The following RRAGD variants were observed in gnomAD, a reference collection of about 807,000 sequenced individuals.
RRAGD encodes ras-related GTP-binding protein D.
Under a neutral mutation model 35.5 loss-of-function variants are expected in RRAGD, and 12 were observed. That is an observed-to-expected ratio of 0.34 (90% confidence interval 0.22 to 0.55). The LOEUF is 0.55. Ranked by LOEUF, RRAGD falls within the 20% of genes least tolerant of loss-of-function variation. The pLI, the probability that RRAGD is intolerant of heterozygous loss-of-function variation, is 0.91. For synonymous variants in RRAGD, 155 were observed against 178.9 expected, an observed-to-expected ratio of 0.87 and a Z score of 1.07; for missense variants, 324 against 490.1, an observed-to-expected ratio of 0.66 and a Z score of 3.20.
chr6:89,385,125 T>C (rs11963273), intron 2 of RRAGD, among the ~76,000 whole-genome samples: 43,509 of 152,046 alleles, frequency 0.29, 7,085 homozygotes, highest in African/African-American at 0.44. Context: ...CCAACCTAAA[T>C]TGAAGGTCTG....
rs116726756 is a variant in RRAGD, at chr6:89,411,151, T to C, written c.148+695A>G. On this transcript the variant is annotated intron_variant, in intron 1 of 6. Coordinates refer to ENST00000369415, the MANE Select transcript of RRAGD (RefSeq NM_021244.5). This position sits in a 1 kb window ranked among gnomAD's most constrained non-coding sequence, Gnocchi z 5.6. Reference sequence around the variant, plus strand: ...TTTGCTTCACTATTGAAGCAAAGAATTCCCCGCCGCGCGCTCACTCCCGGG... The same window carrying C: ...TTTGCTTCACTATTGAAGCAAAGAACTCCCCGCCGCGCGCTCACTCCCGGG... Among the ~76,000 whole-genome samples the C allele has an allele frequency of 1.6e-3, 247 of 152,324 alleles. No individual in the cohort carries two copies. Among genetic ancestry groups the C allele is most frequent in the African/African-American group, 5.7e-3 (239 of 41,584 alleles).
At chr6:89,376,125 A>C (rs1051892413) in intron 5 of RRAGD, among the ~76,000 whole-genome samples, 1 of 152,238 alleles carries the variant, frequency 6.6e-6, no homozygotes, top group African/African-American at 2.4e-5. Flanking sequence ...TCAGGGCAGT[A>C]ATCTTGGGCA....
chr6:89,402,443 T>G (rs773705699), intron 1 of RRAGD, among the ~76,000 whole-genome samples: 10 of 152,032 alleles, frequency 6.6e-5, no homozygotes, highest in Non-Finnish European at 1.5e-4. Flanking sequence ...AGTATGGAAT[T>G]AGGAGGTTGT....
intron 1 of RRAGD, among the ~76,000 whole-genome samples, chr6:89,400,273 A>G (rs1769432650): frequency 6.6e-6 from 1 of 152,194 alleles, no homozygotes; most frequent in African/African-American, 2.4e-5. Context: ...ACAAAAAACT[A>G]GAAAATATCG....
rs116690500 is a variant in RRAGD, at chr6:89,375,234, T to C, written c.902+2437A>G. On this transcript the variant is annotated intron_variant, in intron 5 of 6. Coordinates refer to ENST00000369415, the MANE Select transcript of RRAGD (RefSeq NM_021244.5). Reference sequence around the variant, plus strand: ...GTGAGATTATGGGCTACTTTAATTTTATTCTTTAGACTTTTATGTATTTTC... The same window carrying C: ...GTGAGATTATGGGCTACTTTAATTTCATTCTTTAGACTTTTATGTATTTTC... Among the ~76,000 whole-genome samples the C allele has an allele frequency of 9.7e-3, 1,474 of 152,358 alleles. 23 individuals are homozygous for C. The highest frequency in any genetic ancestry group is 0.032 in the African/African-American group (1,334 of 41,580).
intron 2 of RRAGD, among the ~76,000 whole-genome samples, chr6:89,384,073 A>G (rs1456119985): frequency 6.6e-6 from 1 of 151,570 alleles, no homozygotes; most frequent in East Asian, 1.9e-4. Context: ...ACTGCACTCC[A>G]GCCTGGTGAC....
rs529870836 is a variant in RRAGD at position 89,396,562 on chromosome 6, G to C, written c.149-8972C>G. Reference sequence around the variant, plus strand: ...TGGACTCAGCCTCCAGAGGAGCTGGGACTACAGGCGCGCCCCATCATGCTG... The same window carrying C: ...TGGACTCAGCCTCCAGAGGAGCTGGCACTACAGGCGCGCCCCATCATGCTG... On this transcript the variant is annotated intron_variant, in intron 1 of 6. Transcript: ENST00000369415. Among the ~76,000 whole-genome samples the C allele has an allele frequency of 2.2e-4, 33 of 151,592 alleles. No individual in the cohort carries two copies. In the South Asian group the frequency reaches 6.3e-3, roughly 29 times the overall value.
chr6:89,368,152 C>A lies in RRAGD; in HGVS notation c.1107G>T (p.Glu369Asp). Residue 369 changes from glutamate (E) to aspartate (D), a missense_variant, in exon 7 of 7, where the codon GAG becomes GAT. This residue lies in a region of RRAGD where 68 missense variants were observed against 76.8 expected (regional missense o/e 0.89). Transcript: ENST00000369415. Reference sequence around the variant, plus strand: ...GAGATTTTACTACTTTCATTCTCACCTCAAAAACTTCATGAATGGCCTTCC... The same window carrying A: ...GAGATTTTACTACTTTCATTCTCACATCAAAAACTTCATGAATGGCCTTCC... The part of the protein sequence containing the change: ...CFRKAIHEVF[E>D]VRMKVVKSRK... The A allele has an allele frequency of 6.2e-7, 1 of 1,613,938 alleles. No homozygotes were observed. Among genetic ancestry groups the A allele is most frequent in the East Asian group, 2.2e-5 (1 of 44,878 alleles).
intron 1 of RRAGD, among the ~76,000 whole-genome samples, chr6:89,410,273 C>G (rs540801037): frequency 5.3e-5 from 8 of 152,204 alleles, no homozygotes; most frequent in Non-Finnish European, 8.8e-5. Flanking sequence ...TCCGCCCCCC[C>G]ACTTTTTTTC....
chr6:89,379,361 A>T (rs1248620708), intron 3 of RRAGD, 23 bp from the exon 4 acceptor site: 1 of 1,297,278 alleles, frequency 7.7e-7, no homozygotes. Flanking sequence ...ACGGTATTTC[A>T]TCATGTTTTC....
intron 1 of RRAGD, among the ~76,000 whole-genome samples, chr6:89,388,363 T>C (rs572473666): frequency 6.6e-6 from 1 of 152,218 alleles, no homozygotes; most frequent in East Asian, 1.9e-4. Flanking sequence ...CTATGTTTAA[T>C]GGGTATGTAG....
intron 1 of RRAGD, among the ~76,000 whole-genome samples, chr6:89,402,237 G>C (rs13216729): frequency 6.6e-6 from 1 of 151,404 alleles, no homozygotes; most frequent in Non-Finnish European, 1.5e-5. Context: ...TAGTAGAGAC[G>C]AGGCTTCACC....
At chr6:89,384,923 A>G (rs1769115073) in intron 2 of RRAGD, among the ~76,000 whole-genome samples, 1 of 152,056 alleles carries the variant, frequency 6.6e-6, no homozygotes, top group African/African-American at 2.4e-5. Flanking sequence ...GGATAGTAGC[A>G]TGCATCTGTA....
In RRAGD at chr6:89,411,911, A is replaced by G. The variant is rs780615792; in HGVS notation, c.83T>C (p.Leu28Pro). The change falls in exon 1 of 7, where the codon CTA (leucine) becomes CCA (proline). Residue 28 changes from leucine (L) to proline (P), a missense_variant. Physicochemically the swap from Leu to Pro is moderately conservative, Grantham distance 98. Around this residue, in one of 5 missense-constraint regions of RRAGD, gnomAD observed 96 missense variants for 78.7 expected, o/e 1.22. Transcript: ENST00000369415. This position sits in a 1 kb window ranked among gnomAD's most constrained non-coding sequence, Gnocchi z 5.6. ...EEEEEDELVG[L>P]ADYGDGPDSS... is the part of the protein sequence containing the mutation. ...GTCGGGCCCGTCTCCGTAGTCCGCTAGCCCCACCAGCTCATCCTCCTCCTC... is the reference window on the plus strand; with the variant it reads ...GTCGGGCCCGTCTCCGTAGTCCGCTGGCCCCACCAGCTCATCCTCCTCCTC... The G allele has an allele frequency of 1.8e-5, 28 of 1,545,222 alleles. 1 individual carries two copies. Among genetic ancestry groups the G allele is most frequent in the South Asian group, 2.4e-5 (2 of 84,376 alleles).
chr6:89,397,791 T>A (rs935040138), intron 1 of RRAGD, among the ~76,000 whole-genome samples: 4 of 152,164 alleles, frequency 2.6e-5, no homozygotes, highest in Non-Finnish European at 4.4e-5. Flanking sequence ...AAAATTTTTT[T>A]AAAAAATGTA....
intron 6 of RRAGD, among the ~76,000 whole-genome samples, chr6:89,370,517 G>A (rs543451344): frequency 4.0e-4 from 61 of 152,272 alleles, no homozygotes; most frequent in African/African-American, 1.4e-3. Flanking sequence ...GAACATTTTG[G>A]TAATATGCAT....
chr6:89,389,050 C>T lies in RRAGD; in HGVS notation c.149-1460G>A, dbSNP rs1469392993. 2.6e-5 allele frequency among the ~76,000 whole-genome samples: 4 copies of T among 152,298 alleles called. No homozygotes were observed. The East Asian group carries it at 5.8e-4, about 22-fold the overall frequency. ...ACAGACGAAACTTCGCTTGCTCCCC[C>T]ACTGCTCACCTTCTGCCATGCAGCG... On this transcript the variant is annotated intron_variant, in intron 1 of 6. Transcript: ENST00000369415.
intron 1 of RRAGD, among the ~76,000 whole-genome samples, chr6:89,396,101 C>A (rs1055234383): frequency 6.6e-6 from 1 of 151,910 alleles, no homozygotes; most frequent in Admixed American, 6.6e-5. Flanking sequence ...AGATATGACA[C>A]CCTCCCCCAA....
intron 1 of RRAGD, among the ~76,000 whole-genome samples, chr6:89,403,627 CTTTTTT>C (rs10715442): frequency 2.6e-5 from 3 of 116,474 alleles, no homozygotes; most frequent in African/African-American, 6.9e-5. Context: ...TTTTCTTTTT[CTTTTTT>C]TTTTTTTTTT....
Sources: allele counts gnomAD v4.1 joint callset (sites outside exome capture counted in the v4.1 genomes callset), GRCh38; gene constraint gnomAD v4.1.1; regional missense constraint gnomAD v4.1.1; non-coding constraint Gnocchi (gnomAD v3.1); transcripts MANE v1.5; gene names NCBI Gene and HGNC (gene_info 2026-07-23, HGNC 2026-07-21).